Variants in EPHA6 observed in about 807,000 individuals in gnomAD.
The protein encoded by EPHA6 is ephrin type-A receptor 6.
In EPHA6, 50 loss-of-function variants were observed where a neutral mutation model predicts 112.0. The ratio of observed to expected loss-of-function variants is 0.45; its 90% CI spans 0.36 to 0.56. The LOEUF (loss-of-function observed/expected upper bound fraction) is 0.56. Ranked by LOEUF, EPHA6 falls within the 20% of genes least tolerant of loss-of-function variation. The probability of loss-of-function intolerance (pLI) is 0.00; values close to 1 mark genes in which losing one functional copy is unlikely to be tolerated. For synonymous variants in EPHA6, 529 were observed against 490.7 expected (o/e 1.08, Z -1.03); for missense variants, 1,280 against 1,417.4 (o/e 0.90, Z 1.56).
At chr3:97,649,638 T>TA (rs1032131035) in intron 14 of EPHA6, among the ~76,000 whole-genome samples, 5 of 151,872 alleles carry the variant, frequency 3.3e-5, no homozygotes, top group Non-Finnish European at 5.9e-5. Flanking sequence ...TATTTTTCAG[T>TA]AAAAAAGGTG....
intron 3 of EPHA6, among the ~76,000 whole-genome samples, chr3:97,093,919 C>A (rs2047154350): frequency 6.6e-6 from 1 of 152,078 alleles, no homozygotes; most frequent in African/African-American, 2.4e-5. Context: ...GGAGAAATTT[C>A]AATTCTGAGA....
intron 3 of EPHA6, among the ~76,000 whole-genome samples, chr3:97,173,054 T>C (rs1462103142): frequency 2.0e-5 from 3 of 151,940 alleles, no homozygotes; most frequent in Non-Finnish European, 4.4e-5. Flanking sequence ...GTCATTTTTT[T>C]ATTACCTCCC....
chr3:97,646,284 T>C (rs1466732163), intron 14 of EPHA6: 3 of 1,530,878 alleles, frequency 2.0e-6, no homozygotes, highest in Admixed American at 4.0e-5. Flanking sequence ...CAGAAAGCAA[T>C]GTGACAAGAG....
At chr3:97,042,019 A>G (rs1401839940) in intron 3 of EPHA6, among the ~76,000 whole-genome samples, 1 of 152,098 alleles carries the variant, frequency 6.6e-6, no homozygotes, top group Admixed American at 6.6e-5. Context: ...CCTTGGTCCT[A>G]GAGATATGTC....
chr3:97,587,647 T>C (rs757193534), intron 11 of EPHA6, among the ~76,000 whole-genome samples: 7 of 152,232 alleles, frequency 4.6e-5, no homozygotes, highest in Non-Finnish European at 7.3e-5. Context: ...GTACTTTCAA[T>C]AGTGCTCCTG....
intron 5 of EPHA6, among the ~76,000 whole-genome samples, chr3:97,260,517 T>C (rs1486416833): frequency 6.6e-6 from 1 of 152,198 alleles, no homozygotes; most frequent in African/African-American, 2.4e-5. Context: ...CAATGCTGGA[T>C]AGAGTTTTGA....
rs370090746 is a variant in EPHA6 at position 97,690,952 on chromosome 3, C to T, written c.2785-29309C>T. ...ACAGCAGTTTTAATTATTATAAAGT[C>T]AATTTTATTTTTTCTTTTACCACTT... On this transcript the variant is annotated intron_variant, in intron 14 of 17. Coordinates refer to ENST00000389672, the MANE Select transcript of EPHA6 (RefSeq NM_001080448.3). 9.2e-5 allele frequency among the ~76,000 whole-genome samples: 14 copies of T among 152,218 alleles called. No individual in the cohort carries two copies. The South Asian group carries it at 2.7e-3, about 29-fold the overall frequency.
chr3:97,557,637 G>C lies in EPHA6; in HGVS notation c.2386+25094G>C, dbSNP rs965362704. On this transcript the variant is annotated intron_variant, in intron 11 of 17. Coordinates refer to ENST00000389672, the MANE Select transcript of EPHA6 (RefSeq NM_001080448.3). ...CTCACTTTTTCTCCACTTCAGGGTA[G>C]TTTTCTTCAGTTATTTCTTTGAACA... Among the ~76,000 whole-genome samples, 7 of 151,882 alleles carry C rather than the reference G, an allele frequency of 4.6e-5. No homozygotes were observed. The East Asian group carries it at 1.2e-3, about 25-fold the overall frequency.
rs377630831 is a variant in EPHA6, at chr3:96,820,008, AC to A, written c.385+5002del. Among the ~76,000 whole-genome samples, 89 of 152,160 alleles carry A rather than the reference AC, an allele frequency of 5.8e-4. 3 individuals carry two copies. In the East Asian group the frequency reaches 0.016, roughly 27 times the overall value. ...ACTTGTCTTTGAAGGTGACATTGAA[AC>A]CTCATTCTCAGGGAAGAGAAAGAGC... On this transcript the variant is annotated intron_variant, in intron 1 of 17. Transcript: ENST00000389672.
rs559128535 is a variant in EPHA6, at chr3:97,012,759, T to TA, written c.1114+24767dup. Among the ~76,000 whole-genome samples, 639 of 151,542 alleles carry TA rather than the reference T, an allele frequency of 4.2e-3. 4 individuals carry two copies. Among genetic ancestry groups the TA allele is most frequent in the Non-Finnish European group, 6.2e-3 (421 of 67,872 alleles). On this transcript the variant is annotated intron_variant, in intron 3 of 17. Transcript: ENST00000389672. ...CAGGTATGAGCCACCACACTGGACT[T>TA]ACTATTTTTTTGACTTTTTAATAAT...
chr3:96,958,257 T>A (rs1426943774), intron 2 of EPHA6, among the ~76,000 whole-genome samples: 5 of 149,568 alleles, frequency 3.3e-5, no homozygotes, highest in Admixed American at 6.7e-5. Flanking sequence ...GCCATTGCAC[T>A]CCAGCCTGGA....
intron 3 of EPHA6, among the ~76,000 whole-genome samples, chr3:97,168,295 T>C (rs2076590732): frequency 6.6e-6 from 1 of 152,156 alleles, no homozygotes; most frequent in South Asian, 2.1e-4. Flanking sequence ...CACTTTGATA[T>C]GGTTTGGCTC....
chr3:96,970,354 T>C (rs1488066517), intron 2 of EPHA6, among the ~76,000 whole-genome samples: 2 of 151,938 alleles, frequency 1.3e-5, no homozygotes, highest in Non-Finnish European at 2.9e-5. Flanking sequence ...TATAATTGTG[T>C]GCACTAGCAT....
chr3:97,708,987 G>C (rs1373367308), intron 14 of EPHA6, among the ~76,000 whole-genome samples: 2 of 152,198 alleles, frequency 1.3e-5, no homozygotes, highest in African/African-American at 4.8e-5. Context: ...GTCTGTTGCA[G>C]GAGCAGAGCC....
chr3:97,136,148 C>G (rs968060228), intron 3 of EPHA6, among the ~76,000 whole-genome samples: 5 of 151,944 alleles, frequency 3.3e-5, no homozygotes, highest in Admixed American at 6.6e-5. Flanking sequence ...TTTAGGACTC[C>G]CACAGATGAC....
intron 4 of EPHA6, among the ~76,000 whole-genome samples, chr3:97,228,934 C>T (rs1039855540): frequency 3.9e-5 from 6 of 152,064 alleles, no homozygotes; most frequent in Non-Finnish European, 7.4e-5. Context: ...AAGGTGGTAT[C>T]GCATTGTGGT....
chr3:97,495,365 A>G (rs2107535837), intron 10 of EPHA6, among the ~76,000 whole-genome samples: 1 of 151,524 alleles, frequency 6.6e-6, no homozygotes, highest in Admixed American at 6.6e-5. Flanking sequence ...TACCTATATA[A>G]ATTTGTATAG....
chr3:97,740,411 G>T (rs1393842230), intron 16 of EPHA6, among the ~76,000 whole-genome samples: 1 of 152,126 alleles, frequency 6.6e-6, no homozygotes, highest in Admixed American at 6.6e-5. Flanking sequence ...TCCCAGGACG[G>T]GCAGCAGTTG....
At chr3:97,490,139 A>C (rs550882205) in intron 10 of EPHA6, among the ~76,000 whole-genome samples, 1 of 152,166 alleles carries the variant, frequency 6.6e-6, no homozygotes, top group Non-Finnish European at 1.5e-5. Flanking sequence ...AATGAATGAC[A>C]AAAGGATATA....
Sources: allele counts gnomAD v4.1 joint callset (sites outside exome capture counted in the v4.1 genomes callset), GRCh38; gene constraint gnomAD v4.1.1; transcripts MANE v1.5; gene names NCBI Gene and HGNC (gene_info 2026-07-23, HGNC 2026-07-21).